Variants in KLF3 observed in about 807,000 individuals in gnomAD.
The protein encoded by KLF3 is KLF transcription factor 3.
KLF3 carries 6 observed loss-of-function variants against 32.7 expected under a neutral mutation model. The observed-to-expected ratio is 0.18, with a 90% CI of 0.10 to 0.36. The LOEUF (loss-of-function observed/expected upper bound fraction) is 0.36. Ranked by LOEUF, KLF3 falls within the 10% of genes least tolerant of loss-of-function variation. The probability of loss-of-function intolerance (pLI) is 1.00; values close to 1 mark genes in which losing one functional copy is unlikely to be tolerated. For missense variants in KLF3, 338 were observed against 449.7 expected, an observed-to-expected ratio of 0.75 and a Z score of 2.25; for synonymous variants, 145 against 172.8, an observed-to-expected ratio of 0.84 and a Z score of 1.26.
At chr4:38,686,495 A>G (rs1722703370) in intron 2 of KLF3, among the ~76,000 whole-genome samples, 2 of 151,648 alleles carry the variant, frequency 1.3e-5, no homozygotes, top group South Asian at 2.1e-4. Context: ...TCCTTTAAAT[A>G]GACCTTTAGT....
At chr4:38,666,453 A>G (rs926780246) in intron 1 of KLF3, among the ~76,000 whole-genome samples, 4 of 151,744 alleles carry the variant, frequency 2.6e-5, no homozygotes, top group Non-Finnish European at 4.4e-5. Context: ...TGATAACGTA[A>G]GCTTGAGTTA....
At chr4:38,684,518 G>GT (rs1194204957) in intron 2 of KLF3, among the ~76,000 whole-genome samples, 3 of 145,210 alleles carry the variant, frequency 2.1e-5, no homozygotes, top group African/African-American at 7.6e-5. Flanking sequence ...TTTTGTGGAG[G>GT]TTTTTTTGTT....
At chr4:38,677,984 A>G (rs1394005771) in intron 1 of KLF3, among the ~76,000 whole-genome samples, 2 of 151,986 alleles carry the variant, frequency 1.3e-5, no homozygotes, top group African/African-American at 2.4e-5. Context: ...CATTTTACAA[A>G]TGATCACTCT....
chr4:38,690,283 G>GTA (rs755298918), intron 4 of KLF3: 24 of 167,680 alleles, frequency 1.4e-4, no homozygotes, highest in Non-Finnish European at 2.5e-4. Flanking sequence ...CTTACAGAGT[G>GTA]TATAGTATCC....
intron 5 of KLF3, among the ~76,000 whole-genome samples, chr4:38,695,245 T>TTCACATA (rs1221537922): frequency 1.3e-5 from 2 of 152,232 alleles, no homozygotes; most frequent in Non-Finnish European, 2.9e-5. Flanking sequence ...TGTGAGCTAT[T>TTCACATA]TCACATACCT....
intron 2 of KLF3, among the ~76,000 whole-genome samples, chr4:38,686,056 T>A (rs908177107): frequency 6.6e-6 from 1 of 152,224 alleles, no homozygotes; most frequent in Non-Finnish European, 1.5e-5. Flanking sequence ...AATCTTTTCT[T>A]CATTTGATCC....
chr4:38,682,536 A>G (rs1722561919), intron 2 of KLF3, among the ~76,000 whole-genome samples: 1 of 152,242 alleles, frequency 6.6e-6, no homozygotes, highest in Non-Finnish European at 1.5e-5. Flanking sequence ...TCATTTTACA[A>G]TTGGTGCAGA....
chr4:38,688,967 C>A lies in KLF3; in HGVS notation c.440C>A (p.Pro147Gln). 1 of 1,614,254 alleles carries A rather than the reference C, an allele frequency of 6.2e-7. No homozygotes were observed. Among genetic ancestry groups the A allele is most frequent in the Non-Finnish European group, 8.5e-7 (1 of 1,180,048 alleles). ...RSPGILPVIQ[P>Q]VVVQPVPFMY... ...CCGGGGATCCTGCCCGTCATCCAGCCGGTGGTGGTGCAGCCCGTCCCCTTT... is the reference window on the plus strand; with the variant it reads ...CCGGGGATCCTGCCCGTCATCCAGCAGGTGGTGGTGCAGCCCGTCCCCTTT... Residue 147 changes from proline to glutamine, a missense_variant, in exon 3 of 6, where the codon CCG becomes CAG. Around this residue, in one of 2 missense-constraint regions of KLF3, gnomAD observed 272 missense variants for 313.4 expected, o/e 0.87. Coordinates refer to ENST00000261438, the MANE Select transcript of KLF3 (RefSeq NM_016531.6). The surrounding 1 kb of genome is among the most constrained non-coding windows in gnomAD (Gnocchi z 4.9).
chr4:38,682,761 A>G (rs1036048861), intron 2 of KLF3, among the ~76,000 whole-genome samples: 1 of 152,228 alleles, frequency 6.6e-6, no homozygotes, highest in African/African-American at 2.4e-5. Flanking sequence ...GTATTGTTGT[A>G]ACGTAGTAAT....
rs370879748 is a variant in KLF3, at chr4:38,699,229, T to TTTTTG, written c.*1981_*1985dup. The TTTTTG allele has an allele frequency of 3.3e-5, 5 of 152,190 alleles. No individual in the cohort carries two copies. Among genetic ancestry groups the TTTTTG allele is most frequent in the Middle Eastern group, 3.2e-3 (1 of 316 alleles). The allele number at this position is 152,190 out of a possible 1,614,324, so 9.4% of individuals were successfully genotyped here. A position where few individuals can be genotyped will look rare whatever the true frequency, so the allele number is the denominator to read the frequency against. On this transcript the variant is annotated 3_prime_UTR_variant, in exon 6 of 6. Transcript: ENST00000261438. ...ACTAAAACATCCTAATTGGGCTGTT[T>TTTTTG]TTTTGTTTTGTTTTGTTTTTCAGCT...
intron 3 of KLF3, 116 bp downstream of exon 3, chr4:38,689,187 CT>C: frequency 7.8e-7 from 1 of 1,285,574 alleles, no homozygotes; most frequent in Non-Finnish European, 1.1e-6. Context: ...AAAGGAAATA[CT>C]CATCTGCCTA....
At chr4:38,672,547 G>A (rs181304179) in intron 1 of KLF3, among the ~76,000 whole-genome samples, 8 of 151,612 alleles carry the variant, frequency 5.3e-5, no homozygotes, top group African/African-American at 7.3e-5. Context: ...TTCCATTGCC[G>A]GTTGCCCAGC....
chr4:38,673,099 A>G (rs1420373323), intron 1 of KLF3, among the ~76,000 whole-genome samples: 1 of 152,236 alleles, frequency 6.6e-6, no homozygotes, highest in East Asian at 1.9e-4. Context: ...TTTTGTATCC[A>G]AAGTTTCAGT....
At chr4:38,666,518 A>G (rs1358378165) in intron 1 of KLF3, among the ~76,000 whole-genome samples, 1 of 152,128 alleles carries the variant, frequency 6.6e-6, no homozygotes, top group Non-Finnish European at 1.5e-5. Context: ...CTGTGAATGG[A>G]TTTTACTATC....
intron 4 of KLF3, among the ~76,000 whole-genome samples, chr4:38,693,104 G>A (rs1258050452): frequency 2.7e-5 from 2 of 73,010 alleles, no homozygotes; most frequent in Non-Finnish European, 5.3e-5. Flanking sequence ...ATATATATAT[G>A]TACATATATA....
At chr4:38,696,186 G>GAAA (rs57996051) in intron 5 of KLF3, among the ~76,000 whole-genome samples, 50 of 99,212 alleles carry the variant, frequency 5.0e-4, no homozygotes, top group Middle Eastern at 6.6e-3. Context: ...TTAGATGTAG[G>GAAA]AAAAAAAAAA....
Position 38,688,525 on chromosome 4 carries a change from A to G in KLF3, c.58-60A>G. 4.7e-6 allele frequency: 7 copies of G among 1,493,554 alleles called. No homozygotes were observed. The highest frequency in any genetic ancestry group is 2.7e-5 in the South Asian group (2 of 74,814). The allele number at this position is 1,493,554 out of a possible 1,614,324, so 92.5% of individuals were successfully genotyped here. On this transcript the variant is annotated intron_variant, in intron 2 of 5. Coordinates refer to ENST00000261438, the MANE Select transcript of KLF3 (RefSeq NM_016531.6). This position sits in a 1 kb window ranked among gnomAD's most constrained non-coding sequence, Gnocchi z 4.9. ...CTTGTTAGCATATTTTTCTTAATTC[A>G]TGTTTCAAGTAAATGGACTTATTTG... is the stretch of plus-strand genomic sequence containing the variant.
rs1244014336 is a variant in KLF3, at chr4:38,671,403, T to G, written c.-40+6942T>G. On this transcript the variant is annotated intron_variant, in intron 1 of 5. Coordinates refer to ENST00000261438, the MANE Select transcript of KLF3 (RefSeq NM_016531.6). The surrounding 1 kb of genome is among the most constrained non-coding windows in gnomAD (Gnocchi z 4.4). Reference sequence around the variant, plus strand: ...ATTGCCTAATTTGGGGCCTTCAGAATGTGTCTTTTGATCTTGCATCCAAGT... The same window carrying G: ...ATTGCCTAATTTGGGGCCTTCAGAAGGTGTCTTTTGATCTTGCATCCAAGT... 6.6e-6 allele frequency among the ~76,000 whole-genome samples: 1 copy of G among 152,168 alleles called. No individual in the cohort carries two copies. Among genetic ancestry groups the G allele is most frequent in the East Asian group, 1.9e-4 (1 of 5,196 alleles).
At chr4:38,691,732 C>CA (rs963976406) in intron 4 of KLF3, among the ~76,000 whole-genome samples, 4 of 152,044 alleles carry the variant, frequency 2.6e-5, no homozygotes, top group African/African-American at 9.7e-5. Context: ...TTCTGCTTCT[C>CA]AAAAAAACGC....
Sources: allele counts gnomAD v4.1 joint callset (sites outside exome capture counted in the v4.1 genomes callset), GRCh38; gene constraint gnomAD v4.1.1; regional missense constraint gnomAD v4.1.1; non-coding constraint Gnocchi (gnomAD v3.1); transcripts MANE v1.5; gene names NCBI Gene and HGNC (gene_info 2026-07-23, HGNC 2026-07-21).